Variants in GSN observed in about 807,000 individuals in gnomAD.
The protein encoded by GSN is gelsolin.
Under a neutral mutation model 85.7 loss-of-function variants are expected in GSN, and 56 were observed. The ratio of observed to expected loss-of-function variants is 0.65; its 90% confidence interval spans 0.53 to 0.82. The LOEUF (loss-of-function observed/expected upper bound fraction) is 0.82, where lower values mean the gene tolerates loss of function less well. Ranked by LOEUF, GSN falls within the 40% of genes least tolerant of loss-of-function variation. The probability of loss-of-function intolerance (pLI) is 0.00; values close to 1 mark genes in which losing one functional copy is unlikely to be tolerated. For synonymous variants in GSN, 373 were observed against 399.1 expected, an observed-to-expected ratio of 0.93 and a Z score of 0.78; for missense variants, 857 against 979.8, an observed-to-expected ratio of 0.87 and a Z score of 1.67.
chr9:121,226,197 A>G (rs563858502), intron 4 of GSN, among the ~76,000 whole-genome samples: 32 of 152,214 alleles, frequency 2.1e-4, no homozygotes, highest in African/African-American at 7.0e-4. Flanking sequence ...TCATTCCTCC[A>G]TCAATATTGG....
At chr9:121,322,797 C>G (rs1475722582) in intron 11 of GSN, among the ~76,000 whole-genome samples, 1 of 150,872 alleles carries the variant, frequency 6.6e-6, no homozygotes, top group East Asian at 1.9e-4. Context: ...TCTTACTATA[C>G]AGTCTAAAAC....
intron 4 of GSN, among the ~76,000 whole-genome samples, chr9:121,211,853 T>C (rs2053974917): frequency 6.6e-6 from 1 of 152,180 alleles, no homozygotes; most frequent in African/African-American, 2.4e-5. Context: ...ATATATTTTT[T>C]GAAGGGCTTT....
In GSN at chr9:121,233,201, C is replaced by T. The variant is rs139143593; in HGVS notation, c.-389+1898C>T. Among the ~76,000 whole-genome samples the T allele has an allele frequency of 3.7e-3, 565 of 152,288 alleles. 2 individuals are homozygous for T. Among genetic ancestry groups the T allele is most frequent in the African/African-American group, 0.012 (516 of 41,552 alleles). The stretch of plus-strand genomic sequence containing the variant: ...TCCAGGCAAGCCAGGCGCGGTGGCT[C>T]ATGCCTGTAATCCCAATACTTAGGG... On this transcript the variant is annotated intron_variant, in intron 5 of 24. Transcript: ENST00000373823.
intron 4 of GSN, chr9:121,310,235 G>A: frequency 3.6e-6 from 1 of 274,810 alleles, no homozygotes. Flanking sequence ...GAGGGTGAGT[G>A]AGAAGCATTC....
chr9:121,220,928 A>G (rs1209001829), intron 4 of GSN, among the ~76,000 whole-genome samples: 1 of 152,240 alleles, frequency 6.6e-6, no homozygotes, highest in South Asian at 2.1e-4. Context: ...AAGTGAATAG[A>G]TGTACAGAAA....
intron 16 of GSN, among the ~76,000 whole-genome samples, chr9:121,330,584 T>C (rs897107493): frequency 6.6e-6 from 1 of 152,136 alleles, no homozygotes; most frequent in African/African-American, 2.4e-5. Flanking sequence ...CAAAAAAAAG[T>C]GAGAAAAATG....
intron 10 of GSN, among the ~76,000 whole-genome samples, chr9:121,319,890 G>A (rs1176140162): frequency 2.0e-5 from 3 of 152,020 alleles, no homozygotes; most frequent in Admixed American, 6.6e-5. Context: ...GGTAGAATCC[G>A]CCTCAGGCAA....
intron 12 of GSN, among the ~76,000 whole-genome samples, chr9:121,325,087 T>C (rs114467269): frequency 1.1e-3 from 164 of 152,368 alleles, no homozygotes; most frequent in African/African-American, 3.7e-3. Flanking sequence ...TTAGCCTCTC[T>C]GTGCCTCTGT....
chr9:121,230,918 TTCA>T (rs1300768640), intron 4 of GSN, among the ~76,000 whole-genome samples: 1 of 152,218 alleles, frequency 6.6e-6, no homozygotes. Context: ...TCTCGTGAAC[TTCA>T]TTTTATTCAC....
rs1589247208 is a variant in GSN at position 121,329,233 on chromosome 9, C to T, written c.1888-5C>T. 1.2e-6 allele frequency: 2 copies of T among 1,605,616 alleles called. No homozygotes were observed. The highest frequency in any genetic ancestry group is 1.7e-6 in the Non-Finnish European group (2 of 1,172,300). Reference sequence around the variant, plus strand: ...TCTCACTGATGCTCTTTCGTTCCTTCCCAGATCGAAGAGGTTCCTGGTGAG... The same window carrying T: ...TCTCACTGATGCTCTTTCGTTCCTTTCCAGATCGAAGAGGTTCCTGGTGAG... On this transcript the variant is annotated splice_region_variant and splice_polypyrimidine_tract_variant and intron_variant, in intron 15 of 17. Coordinates refer to ENST00000432226, the MANE Select transcript of GSN (RefSeq NM_198252.3). This position sits in a 1 kb window ranked among gnomAD's most constrained non-coding sequence, Gnocchi z 4.6.
chr9:121,326,939 A>C (rs920645528), intron 13 of GSN: 1 of 682,274 alleles, frequency 1.5e-6, no homozygotes, highest in African/African-American at 1.8e-5. Flanking sequence ...TCAGCATGCC[A>C]TTCCTGATTA....
Position 121,312,443 on chromosome 9 carries a change from A to G in GSN, c.618A>G (p.Arg206=). 1 of 1,614,096 alleles carries G rather than the reference A, an allele frequency of 6.2e-7. No homozygotes were observed. The highest frequency in any genetic ancestry group is 8.5e-7 in the Non-Finnish European group (1 of 1,180,014). ...IRDNERSGRA[R]VHVSEEGTEP... ...ACAACGAGCGGAGTGGCCGGGCCCG[A>G]GTGCACGTGTCTGAGGAGGGCACTG... is the stretch of plus-strand genomic sequence containing the variant. The change falls in exon 6 of 18, where the codon CGA becomes CGG. Residue 206 remains arginine (R), a synonymous_variant. Transcript: ENST00000432226.
chr9:121,283,177 T>G (rs1451110640), intron 2 of GSN: 1 of 166,998 alleles, frequency 6.0e-6, no homozygotes, highest in South Asian at 2.1e-4. Flanking sequence ...CTCCTGACTT[T>G]TTTAGTTAGG....
At chr9:121,205,593 T>C (rs1263306859), upstream of GSN, among the ~76,000 whole-genome samples, 1 of 152,100 alleles carries the variant, frequency 6.6e-6, no homozygotes, top group Non-Finnish European at 1.5e-5. Flanking sequence ...GACTTTCTAG[T>C]CCCAGATTGG....
At chr9:121,293,274 CCTTGAGTCCCAGGGCCTG>C (rs2058868785) in intron 2 of GSN, among the ~76,000 whole-genome samples, 2 of 152,146 alleles carry the variant, frequency 1.3e-5, no homozygotes, top group Admixed American at 1.3e-4. Context: ...CTTTTAGCAT[CCTTGAGTCCCAGGGCCTG>C]AAGGGTTCTT....
intron 1 of GSN, 106 bp downstream of exon 1, chr9:121,268,325 T>G (rs1451628936): frequency 6.6e-6 from 1 of 152,072 alleles, no homozygotes; most frequent in African/African-American, 2.4e-5. Flanking sequence ...CGCCTGGAGC[T>G]CGGCCCGGCC....
chr9:121,213,228 G>A (rs1308806204), intron 4 of GSN, among the ~76,000 whole-genome samples: 2 of 152,278 alleles, frequency 1.3e-5, no homozygotes, highest in African/African-American at 2.4e-5. Context: ...TGGGCTTCAC[G>A]GAGGAGTGAC....
At chr9:121,305,741 G>A (rs1329425179) in intron 4 of GSN, among the ~76,000 whole-genome samples, 2 of 152,224 alleles carry the variant, frequency 1.3e-5, no homozygotes, top group Non-Finnish European at 2.9e-5. Flanking sequence ...CCTGAAAGGC[G>A]CTGGCTCCTG....
In GSN at chr9:121,326,604, G is replaced by A. The variant is rs1331062884; in HGVS notation, c.1509G>A (p.Glu503=). 2.5e-6 allele frequency: 4 copies of A among 1,609,834 alleles called. No individual in the cohort carries two copies. The African/African-American group carries it at 4.0e-5, about 16-fold the overall frequency. The change falls in exon 13 of 18, where the codon GAG becomes GAA. Residue 503 remains glutamate, a synonymous_variant. Transcript: ENST00000432226. ...MIIYKGGTSR[E]GGQTAPASTR... ...TCTACAAGGGCGGCACCTCCCGCGA[G>A]GGCGGGCAGACAGCCCCTGCCAGCA...
Sources: gnomAD v4.1 joint callset for allele counts (sites outside exome capture counted in the v4.1 genomes callset) on GRCh38, gnomAD v4.1.1 for gene constraint, Gnocchi (gnomAD v3.1) non-coding constraint, MANE v1.5 for transcripts, NCBI Gene and HGNC (gene_info 2026-07-23, HGNC 2026-07-21) for gene names.